The following TSPAN15 variants were observed in gnomAD, a reference collection of about 807,000 sequenced individuals.
TSPAN15 encodes tetraspanin-15.
TSPAN15 carries 20 observed loss-of-function variants against 34.5 expected under a neutral mutation model. That is an observed-to-expected ratio of 0.58 (90% CI 0.41 to 0.84). The LOEUF is 0.84. Ranked by LOEUF, TSPAN15 falls within the 40% of genes least tolerant of loss-of-function variation. The pLI, the probability that TSPAN15 is intolerant of heterozygous loss-of-function variation, is 0.00. For missense variants in TSPAN15, 313 were observed against 386.1 expected (o/e 0.81, Z 1.59); for synonymous variants, 155 against 153.9 (o/e 1.01, Z -0.05).
At chr10:69,464,142 G>A (rs1208489216) in intron 1 of TSPAN15, among the ~76,000 whole-genome samples, 1 of 152,256 alleles carries the variant, frequency 6.6e-6, no homozygotes, top group Non-Finnish European at 1.5e-5. Flanking sequence ...CTCCCCTAGA[G>A]CCTCCGGAGA....
At chr10:69,504,953 G>T (rs1439900754) in intron 6 of TSPAN15, among the ~76,000 whole-genome samples, 1 of 152,138 alleles carries the variant, frequency 6.6e-6, no homozygotes, top group African/African-American at 2.4e-5. Context: ...AAGGAATAGT[G>T]ACCTGACATG....
intron 1 of TSPAN15, among the ~76,000 whole-genome samples, chr10:69,465,176 G>A (rs1218039098): frequency 6.6e-6 from 1 of 152,250 alleles, no homozygotes; most frequent in Non-Finnish European, 1.5e-5. Flanking sequence ...CCAGGAGGCT[G>A]TGGCAGAGAC....
chr10:69,496,421 T>A (rs1007450195), intron 4 of TSPAN15, among the ~76,000 whole-genome samples: 2 of 151,758 alleles, frequency 1.3e-5, no homozygotes, highest in African/African-American at 4.8e-5. Context: ...TACATCAACT[T>A]CACTTGGTCC....
At chr10:69,514,080 T>G in the TSPAN15 span, among the ~76,000 whole-genome samples, 304 of 152,378 alleles carry the variant, frequency 2.0e-3, 3 homozygotes, top group African/African-American at 7.1e-3. Context: ...TTCTCTTGTA[T>G]TTCTAGTTTA....
At chr10:69,494,106 G>A (rs555820369) in intron 3 of TSPAN15, among the ~76,000 whole-genome samples, 13 of 152,288 alleles carry the variant, frequency 8.5e-5, no homozygotes, top group Non-Finnish European at 1.6e-4. Context: ...GCGTCTCTCT[G>A]CCAGTGGTGT....
chr10:69,457,395 G>T (rs1239282553), intron 1 of TSPAN15, among the ~76,000 whole-genome samples: 6 of 152,196 alleles, frequency 3.9e-5, no homozygotes. Flanking sequence ...TGCAAAGTGG[G>T]CAGGGCTGAT....
At chr10:69,500,066 A>G (rs1842171887) in intron 5 of TSPAN15, among the ~76,000 whole-genome samples, 1 of 152,116 alleles carries the variant, frequency 6.6e-6, no homozygotes, top group South Asian at 2.1e-4. Flanking sequence ...GGCTGTTGTG[A>G]GGGACATGCT....
the TSPAN15 span, among the ~76,000 whole-genome samples, chr10:69,518,329 C>T: frequency 3.3e-5 from 5 of 152,348 alleles, no homozygotes; most frequent in Middle Eastern, 3.4e-3. Flanking sequence ...GTGTCTCACC[C>T]GAGTGCCTGC....
chr10:69,497,418 A>G (rs1473398540), intron 4 of TSPAN15, among the ~76,000 whole-genome samples: 1 of 152,174 alleles, frequency 6.6e-6, no homozygotes, highest in African/African-American at 2.4e-5. Flanking sequence ...CCTGCTGCTG[A>G]AATACAAGCT....
At chr10:69,456,358 A>T (rs1021900456) in intron 1 of TSPAN15, among the ~76,000 whole-genome samples, 5 of 152,224 alleles carry the variant, frequency 3.3e-5, no homozygotes, top group African/African-American at 1.2e-4. Context: ...AAGTGCTGGG[A>T]TTACAGGCGT....
intron 1 of TSPAN15, among the ~76,000 whole-genome samples, chr10:69,458,736 T>C (rs540335700): frequency 6.6e-6 from 1 of 152,288 alleles, no homozygotes; most frequent in South Asian, 2.1e-4. Flanking sequence ...TGCCAGGGGT[T>C]TGGAGAACCT....
rs150371547 is a variant in TSPAN15 at position 69,461,076 on chromosome 10, G to T, written c.96+9386G>T. Among the ~76,000 whole-genome samples, 847 of 152,272 alleles carry T rather than the reference G, an allele frequency of 5.6e-3. 14 individuals are homozygous for T. The highest frequency in any genetic ancestry group is 0.02 in the African/African-American group (812 of 41,548). ...CAGAGCGCTGAGTGGGCATCTGGCT[G>T]GGTAACCGTTCATGCAGATGCTGGG... On this transcript the variant is annotated intron_variant, in intron 1 of 7. Transcript: ENST00000373290.
intron 1 of TSPAN15, among the ~76,000 whole-genome samples, chr10:69,476,670 A>C (rs1264396140): frequency 1.3e-5 from 2 of 152,146 alleles, no homozygotes; most frequent in Non-Finnish European, 2.9e-5. Flanking sequence ...GTTTTTATAA[A>C]GGAAGAAGTC....
intron 3 of TSPAN15, among the ~76,000 whole-genome samples, chr10:69,488,336 A>G (rs1841898103): frequency 6.6e-6 from 1 of 151,994 alleles, no homozygotes; most frequent in African/African-American, 2.4e-5. Flanking sequence ...TATGATGGAG[A>G]AAAAGGTGAG....
chr10:69,460,342 C>T (rs989972550), intron 1 of TSPAN15, among the ~76,000 whole-genome samples: 4 of 152,180 alleles, frequency 2.6e-5, no homozygotes, highest in Non-Finnish European at 5.9e-5. Context: ...TCCCAGCCCT[C>T]GGTCAGCATG....
chr10:69,481,959 A>G (rs1463552836), intron 1 of TSPAN15, among the ~76,000 whole-genome samples: 1 of 152,164 alleles, frequency 6.6e-6, no homozygotes, highest in Admixed American at 6.5e-5. Flanking sequence ...GATGTTGATC[A>G]TAAATGCTGA....
chr10:69,465,063 T>C (rs999027975), intron 1 of TSPAN15, among the ~76,000 whole-genome samples: 2 of 152,238 alleles, frequency 1.3e-5, no homozygotes, highest in Admixed American at 1.3e-4. Flanking sequence ...GCCCTGTCCC[T>C]GTCCCCTTGA....
the TSPAN15 span, among the ~76,000 whole-genome samples, chr10:69,539,713 G>T: frequency 6.6e-6 from 1 of 152,058 alleles, no homozygotes; most frequent in Non-Finnish European, 1.5e-5. Context: ...GAGGAGCTCA[G>T]ATTCCTTCTA....
intron 1 of TSPAN15, among the ~76,000 whole-genome samples, chr10:69,464,727 A>G (rs186264580): frequency 6.6e-6 from 1 of 152,274 alleles, no homozygotes; most frequent in East Asian, 1.9e-4. Context: ...CGTAGAGGGC[A>G]TCTAGTGTTA....
Sources: allele counts gnomAD v4.1 joint callset (sites outside exome capture counted in the v4.1 genomes callset), GRCh38; gene constraint gnomAD v4.1.1; transcripts MANE v1.5; gene names NCBI Gene and HGNC (gene_info 2026-07-23, HGNC 2026-07-21).